The following RGPD2 variants were observed in gnomAD, a reference collection of about 807,000 sequenced individuals.
RGPD2 encodes the protein RANBP2-like and GRIP domain-containing protein 2.
In RGPD2, 2 loss-of-function variants were observed where a neutral mutation model predicts 36.0. The observed-to-expected ratio is 0.06, with a 90% CI of 0.02 to 0.17. The LOEUF (loss-of-function observed/expected upper bound fraction) is 0.17. RGPD2 is among the 10% of genes least tolerant of loss of function. RGPD2 has a pLI of 1.00. For missense variants in RGPD2, 40 were observed against 464.3 expected (o/e 0.09, Z 8.40); for synonymous variants, 19 against 163.8 (o/e 0.12, Z 6.75).
At chr2:87,888,091 A>G in the RGPD2 span, among the ~76,000 whole-genome samples, 1,176 of 151,408 alleles carry the variant, frequency 7.8e-3, 9 homozygotes, top group Non-Finnish European at 0.014. Flanking sequence ...ACTTGCAGAC[A>G]TGGGATAATT....
the RGPD2 span, among the ~76,000 whole-genome samples, chr2:87,858,058 T>A: frequency 6.6e-6 from 1 of 152,220 alleles, no homozygotes; most frequent in Non-Finnish European, 1.5e-5. Context: ...CACATATATA[T>A]GTATACACAT....
the RGPD2 span, among the ~76,000 whole-genome samples, chr2:87,912,068 T>A: frequency 2.0e-5 from 3 of 152,058 alleles, no homozygotes; most frequent in African/African-American, 7.2e-5. Context: ...GTTGTTTTTT[T>A]TTTAGCTCTG....
the RGPD2 span, chr2:87,989,193 T>G: frequency 1.5e-4 from 66 of 429,616 alleles, no homozygotes; most frequent in Admixed American, 7.5e-4. Context: ...AATGAGAAAG[T>G]AAATAAAATC....
At chr2:87,864,554 T>C in the RGPD2 span, among the ~76,000 whole-genome samples, 2 of 152,182 alleles carry the variant, frequency 1.3e-5, no homozygotes, top group African/African-American at 4.8e-5. Context: ...TAACAAATCT[T>C]ATATAGCTAG....
At chr2:87,985,629 A>G in the RGPD2 span, 3 of 1,110,454 alleles carry the variant, frequency 2.7e-6, no homozygotes, top group East Asian at 5.1e-5. Context: ...TATTTTGAAT[A>G]TGGTACGCCT....
chr2:87,824,729 CCGGCCAG>C (rs1329715845), intron 1 of RGPD2, among the ~76,000 whole-genome samples: 6 of 117,618 alleles, frequency 5.1e-5, no homozygotes, highest in Non-Finnish European at 1.2e-4. Flanking sequence ...CCGCCGCCGC[CCGGCCAG>C]GCCGAGGCCG....
the RGPD2 span, among the ~76,000 whole-genome samples, chr2:87,964,481 T>C: frequency 6.6e-6 from 1 of 152,174 alleles, no homozygotes; most frequent in Non-Finnish European, 1.5e-5. Flanking sequence ...ACAGATACTA[T>C]GTTTTTGACA....
At chr2:87,929,227 G>C in the RGPD2 span, among the ~76,000 whole-genome samples, 4 of 151,750 alleles carry the variant, frequency 2.6e-5, no homozygotes, top group Admixed American at 6.6e-5. Context: ...ATTAATTTTT[G>C]TATAAGGTGT....
intron 7 of RGPD2, among the ~76,000 whole-genome samples, chr2:87,806,060 G>C (rs1253528382): frequency 6.6e-6 from 1 of 151,618 alleles, no homozygotes; most frequent in Non-Finnish European, 1.5e-5. Flanking sequence ...CTACTCGGGA[G>C]GCTGAGGCAG....
At chr2:87,885,374 T>G in the RGPD2 span, among the ~76,000 whole-genome samples, 1 of 152,080 alleles carries the variant, frequency 6.6e-6, no homozygotes, top group Non-Finnish European at 1.5e-5. Context: ...AGACTATATA[T>G]GACAAGCCCA....
chr2:87,957,687 T>G, the RGPD2 span, among the ~76,000 whole-genome samples: 1 of 152,220 alleles, frequency 6.6e-6, no homozygotes, highest in African/African-American at 2.4e-5. Context: ...ATATGAATTT[T>G]GGGGGGGAGT....
chr2:87,955,310 C>T, the RGPD2 span, among the ~76,000 whole-genome samples: 2 of 143,844 alleles, frequency 1.4e-5, no homozygotes, highest in Non-Finnish European at 1.5e-5. Flanking sequence ...CCACCGCGCC[C>T]GGCCGAAAAG....
chr2:87,922,112 T>A, the RGPD2 span, among the ~76,000 whole-genome samples: 1 of 151,614 alleles, frequency 6.6e-6, no homozygotes, highest in East Asian at 1.9e-4. Context: ...GTCAACATGA[T>A]GAAGCCCCGT....
chr2:87,879,444 A>G, the RGPD2 span, among the ~76,000 whole-genome samples: 1 of 138,268 alleles, frequency 7.2e-6, no homozygotes, highest in East Asian at 2.1e-4. Flanking sequence ...CCATCCTCAC[A>G]TCCCCCCACC....
the RGPD2 span, among the ~76,000 whole-genome samples, chr2:87,885,985 T>TA: frequency 1.6e-4 from 25 of 151,872 alleles, no homozygotes; most frequent in Admixed American, 1.6e-3. Context: ...CGTTCTTTGT[T>TA]AAAAATTTTC....
chr2:87,825,964 C>G (rs921092389), upstream of RGPD2: 4 of 505,218 alleles, frequency 7.9e-6, no homozygotes, highest in Non-Finnish European at 1.4e-5. Context: ...CCGCCGGGCG[C>G]CGTGGCTCAC....
At chr2:87,854,627 A>G in the RGPD2 span, among the ~76,000 whole-genome samples, 1 of 151,982 alleles carries the variant, frequency 6.6e-6, no homozygotes, top group Admixed American at 6.6e-5. Flanking sequence ...TTCCACCTCA[A>G]CTGTCAGTAG....
chr2:87,943,987 T>C, the RGPD2 span, among the ~76,000 whole-genome samples: 1 of 152,068 alleles, frequency 6.6e-6, no homozygotes, highest in African/African-American at 2.4e-5. Flanking sequence ...TCTGTTTCAA[T>C]ACGAATTTCA....
chr2:87,962,020 C>T, the RGPD2 span, among the ~76,000 whole-genome samples: 1 of 81,762 alleles, frequency 1.2e-5, no homozygotes, highest in Non-Finnish European at 2.3e-5. Flanking sequence ...GAGTGAGACA[C>T]TTGTCTCAAA....
Sources: gnomAD v4.1 joint callset for allele counts (sites outside exome capture counted in the v4.1 genomes callset) on GRCh38, gnomAD v4.1.1 for gene constraint, MANE v1.5 for transcripts, NCBI Gene and HGNC (gene_info 2026-07-23, HGNC 2026-07-21) for gene names.